SCD5: variants seen among roughly 807,000 people sequenced by gnomAD.
The protein encoded by SCD5 is stearoyl-CoA desaturase 5, also known as acyl-CoA-desaturase 4.
A neutral mutation model predicts 30.4 loss-of-function variants in SCD5; 20 were observed. The observed-to-expected ratio is 0.66, with a 90% CI of 0.46 to 0.96. The LOEUF (loss-of-function observed/expected upper bound fraction) is 0.96, where lower values mean the gene tolerates loss of function less well. SCD5 is among the 40% of genes least tolerant of loss of function. The pLI is 0.00. For missense variants in SCD5, 381 were observed against 443.3 expected (o/e 0.86, Z 1.26); for synonymous variants, 173 against 176.4 (o/e 0.98, Z 0.16).
intron 2 of SCD5, among the ~76,000 whole-genome samples, chr4:82,694,984 T>C (rs1021871525): frequency 1.3e-4 from 20 of 152,210 alleles, no homozygotes; most frequent in Admixed American, 4.6e-4. Flanking sequence ...TCACTGGTCA[T>C]TCAGAAGTAC....
chr4:82,730,463 A>AT (rs1378884542), intron 1 of SCD5, among the ~76,000 whole-genome samples: 4 of 150,176 alleles, frequency 2.7e-5, no homozygotes, highest in South Asian at 2.1e-4. Context: ...TGCCTGGCTA[A>AT]TTTTTTGTAT....
chr4:82,693,496 A>G (rs1215039218), intron 2 of SCD5, among the ~76,000 whole-genome samples: 2 of 152,208 alleles, frequency 1.3e-5, no homozygotes, highest in Admixed American at 6.5e-5. Context: ...TCCTGATTCA[A>G]TGCTTGCCCC....
At chr4:82,642,315 G>A (rs1170727325) in intron 3 of SCD5, among the ~76,000 whole-genome samples, 1 of 152,138 alleles carries the variant, frequency 6.6e-6, no homozygotes, top group Non-Finnish European at 1.5e-5. Flanking sequence ...AGCCAACCAA[G>A]AACATGGCAC....
chr4:82,648,434 A>C (rs1437193242), intron 3 of SCD5, among the ~76,000 whole-genome samples: 1 of 152,222 alleles, frequency 6.6e-6, no homozygotes, highest in Non-Finnish European at 1.5e-5. Context: ...CAAATGGCCA[A>C]ATGCCCTAGG....
rs1720112720 is a variant in SCD5, at chr4:82,712,263, TA to T, written c.233-6851del. On this transcript the variant is annotated intron_variant, in intron 1 of 4. Coordinates refer to ENST00000319540, the MANE Select transcript of SCD5 (RefSeq NM_001037582.3). ...ACTAACATATATATATATATATATA[TA>T]TATATATATATATATATATATATAT... is the stretch of plus-strand genomic sequence containing the variant. Among the ~76,000 whole-genome samples, 10 of 43,108 alleles carry T rather than the reference TA, an allele frequency of 2.3e-4. No individual in the cohort carries two copies. In the East Asian group the frequency reaches 3.9e-3, roughly 17 times the overall value. 28.3% of individuals were successfully genotyped at this position (43,108 alleles called of 152,430 possible).
intron 1 of SCD5, among the ~76,000 whole-genome samples, chr4:82,769,467 T>C (rs145025534): frequency 5.9e-5 from 9 of 152,318 alleles, no homozygotes; most frequent in East Asian, 1.9e-4. Flanking sequence ...TTTTAATAAA[T>C]TGATACAAAA....
intron 3 of SCD5, chr4:82,660,560 T>C (rs913840356): frequency 1.7e-6 from 2 of 1,183,130 alleles, no homozygotes; most frequent in Admixed American, 4.1e-5. Context: ...CTCCATACTT[T>C]CACATATATT....
intron 1 of SCD5, among the ~76,000 whole-genome samples, chr4:82,745,419 A>C (rs115728803): frequency 0.018 from 2,771 of 152,306 alleles, 26 homozygotes; most frequent in Middle Eastern, 0.048. Flanking sequence ...GAACAAGGAG[A>C]GACATGAATG....
At chr4:82,664,315 A>G (rs904346371) in intron 3 of SCD5, among the ~76,000 whole-genome samples, 3 of 152,212 alleles carry the variant, frequency 2.0e-5, no homozygotes, top group Non-Finnish European at 2.9e-5. Flanking sequence ...CCACCCACAC[A>G]TACTGAAGGT....
intron 3 of SCD5, among the ~76,000 whole-genome samples, chr4:82,655,398 CTG>C (rs1455444981): frequency 6.6e-6 from 1 of 152,164 alleles, no homozygotes; most frequent in South Asian, 2.1e-4. Context: ...TGGCCACACT[CTG>C]TTCATTAGTC....
chr4:82,769,275 AG>A (rs1721564830), intron 1 of SCD5, among the ~76,000 whole-genome samples: 1 of 152,188 alleles, frequency 6.6e-6, no homozygotes, highest in African/African-American at 2.4e-5. Flanking sequence ...GTGGGGCTAG[AG>A]GAATCCCTAA....
chr4:82,712,281 TATATATA>T (rs1720120296), intron 1 of SCD5, among the ~76,000 whole-genome samples: 1 of 50,312 alleles, frequency 2.0e-5, no homozygotes, highest in African/African-American at 1.1e-4. Context: ...TATATATATA[TATATATA>T]TATATATATT....
intron 1 of SCD5, among the ~76,000 whole-genome samples, chr4:82,740,815 T>C (rs12650548): frequency 0.15 from 22,105 of 152,190 alleles, 2,850 homozygotes; most frequent in African/African-American, 0.35. Flanking sequence ...CCTAATCCTT[T>C]ACCCCAAATC....
chr4:82,789,626 T>A (rs528937978), intron 1 of SCD5, among the ~76,000 whole-genome samples: 1 of 152,180 alleles, frequency 6.6e-6, no homozygotes, highest in Non-Finnish European at 1.5e-5. Context: ...AGCTCTGGAA[T>A]GTCTCCAGAG....
chr4:82,667,164 G>A (rs928837212), intron 3 of SCD5, among the ~76,000 whole-genome samples: 1 of 152,056 alleles, frequency 6.6e-6, no homozygotes, highest in Non-Finnish European at 1.5e-5. Flanking sequence ...CCAGAAATTT[G>A]AGCAACTGTC....
intron 3 of SCD5, among the ~76,000 whole-genome samples, chr4:82,645,988 G>A (rs1258371821): frequency 1.3e-5 from 2 of 152,160 alleles, no homozygotes; most frequent in Non-Finnish European, 2.9e-5. Context: ...CAGAGCTGGT[G>A]GTGTGTGAGA....
chr4:82,768,534 G>T (rs942832090), intron 1 of SCD5, among the ~76,000 whole-genome samples: 1 of 152,160 alleles, frequency 6.6e-6, no homozygotes, highest in African/African-American at 2.4e-5. Context: ...GATGATCTTG[G>T]TATTACAAAT....
chr4:82,681,539 G>C (rs1196851238), intron 2 of SCD5, among the ~76,000 whole-genome samples: 4 of 152,182 alleles, frequency 2.6e-5, no homozygotes, highest in Admixed American at 1.3e-4. Flanking sequence ...TGCAGGAACA[G>C]TAATCCGAAT....
chr4:82,794,419 G>A (rs979413238), intron 1 of SCD5, among the ~76,000 whole-genome samples: 2 of 152,152 alleles, frequency 1.3e-5, no homozygotes, highest in African/African-American at 4.8e-5. Flanking sequence ...ATGTTTCTGG[G>A]AGCCAACAGC....
Sources: allele counts gnomAD v4.1 joint callset (sites outside exome capture counted in the v4.1 genomes callset), GRCh38; gene constraint gnomAD v4.1.1; transcripts MANE v1.5; gene names NCBI Gene and HGNC (gene_info 2026-07-23, HGNC 2026-07-21).